Variants in EDDM13 observed in about 807,000 individuals in gnomAD.
EDDM13 encodes the protein epididymal protein 13.
EDDM13 carries 24 observed loss-of-function variants against 17.8 expected under a neutral mutation model. The observed-to-expected ratio is 1.35, with a 90% confidence interval of 0.98 to 1.90. The LOEUF (loss-of-function observed/expected upper bound fraction) is 1.90. Among genes scored for constraint, EDDM13 ranks in the 40% most tolerant of loss-of-function variants. The probability of loss-of-function intolerance (pLI) is 0.00; values close to 1 mark genes in which losing one functional copy is unlikely to be tolerated. For synonymous variants in EDDM13, 31 were observed against 37.5 expected (o/e 0.83, Z 0.63); for missense variants, 97 against 100.8 (o/e 0.96, Z 0.16).
At chr19:56,305,577 G>A (rs1413873407) in intron 14 of EDDM13, among the ~76,000 whole-genome samples, 2 of 152,040 alleles carry the variant, frequency 1.3e-5, no homozygotes, top group Non-Finnish European at 2.9e-5. Flanking sequence ...AAATCTTTTG[G>A]GGTACAAACT....
chr19:56,288,838 C>T (rs918069649), intron 7 of EDDM13, among the ~76,000 whole-genome samples, 36 bp from the exon 8 acceptor site: 5 of 152,156 alleles, frequency 3.3e-5, no homozygotes, highest in African/African-American at 7.2e-5. Flanking sequence ...TCTGCCCCTC[C>T]GTTGCAACCT....
At chr19:56,280,645 G>A (rs890304239) in intron 2 of EDDM13, 3 of 152,196 alleles carry the variant, frequency 2.0e-5, no homozygotes, top group African/African-American at 7.2e-5. Context: ...TCTGGAGGCT[G>A]AGAAGTCCAA....
intron 2 of EDDM13, among the ~76,000 whole-genome samples, chr19:56,279,951 T>C (rs1215953011): frequency 6.6e-6 from 1 of 152,194 alleles, no homozygotes; most frequent in Non-Finnish European, 1.5e-5. Flanking sequence ...ATTTAAAACA[T>C]CATGTTATTT....
intron 8 of EDDM13, among the ~76,000 whole-genome samples, chr19:56,290,054 A>G (rs1238447507): frequency 1.3e-5 from 2 of 152,246 alleles, no homozygotes; most frequent in Non-Finnish European, 2.9e-5. Flanking sequence ...CCCAAGTTAT[A>G]AAGAGTGGTT....
At position 56,304,784 on chromosome 19, in the gene EDDM13, C is replaced by T; in HGVS notation, c.424-9C>T. Reference sequence around the variant, plus strand: ...TTTCTCTGTTCCCAGTTCACTTTTTCCTCCCAAGTGTTACTGCCACTACTG... The same window carrying T: ...TTTCTCTGTTCCCAGTTCACTTTTTTCTCCCAAGTGTTACTGCCACTACTG... On this transcript the variant is annotated splice_polypyrimidine_tract_variant and intron_variant, in intron 13 of 14. Coordinates refer to ENST00000649256, the MANE Select transcript of EDDM13 (RefSeq NM_001354658.2). The T allele has an allele frequency of 1.0e-6, 1 of 985,374 alleles. No homozygotes were observed. The highest frequency in any genetic ancestry group is 1.2e-6 in the Non-Finnish European group (1 of 829,882). The allele number at this position is 985,374 out of a possible 1,614,324, so 61.0% of individuals were successfully genotyped here.
intron 9 of EDDM13, among the ~76,000 whole-genome samples, 71 bp downstream of exon 9, chr19:56,290,917 A>G (rs1169659350): frequency 1.3e-5 from 2 of 152,136 alleles, no homozygotes; most frequent in African/African-American, 4.8e-5. Flanking sequence ...GCAACTATCC[A>G]AAGAAGGGAA....
chr19:56,288,599 C>T (rs2039299205), intron 7 of EDDM13, among the ~76,000 whole-genome samples, 161 bp downstream of exon 7: 1 of 152,180 alleles, frequency 6.6e-6, no homozygotes, highest in Non-Finnish European at 1.5e-5. Context: ...CCTTGCTTTC[C>T]ACTGCACCCT....
intron 13 of EDDM13, among the ~76,000 whole-genome samples, chr19:56,303,794 G>A (rs144014924): frequency 8.1e-4 from 118 of 145,150 alleles, no homozygotes; most frequent in African/African-American, 2.9e-3. Context: ...CCATGGCCAC[G>A]GGCAGCCTTC....
chr19:56,279,906 CTT>C (rs2038557937), intron 2 of EDDM13, among the ~76,000 whole-genome samples: 1 of 151,938 alleles, frequency 6.6e-6, no homozygotes, highest in Non-Finnish European at 1.5e-5. Context: ...TTTACATAAA[CTT>C]TAATTACATT....
intron 6 of EDDM13, chr19:56,286,343 G>A (rs1015047895): frequency 2.0e-5 from 3 of 151,962 alleles, no homozygotes; most frequent in African/African-American, 7.2e-5. Flanking sequence ...TTGATAATGT[G>A]GTGGCCAAAA....
chr19:56,292,200 G>T (rs1023825613), intron 9 of EDDM13, among the ~76,000 whole-genome samples: 1 of 152,220 alleles, frequency 6.6e-6, no homozygotes, highest in African/African-American at 2.4e-5. Flanking sequence ...AAAAGTCACT[G>T]TTTGCCACAT....
intron 9 of EDDM13, among the ~76,000 whole-genome samples, chr19:56,294,904 T>C (rs1480459025): frequency 6.6e-6 from 1 of 152,232 alleles, no homozygotes; most frequent in Non-Finnish European, 1.5e-5. Context: ...TGACTCTGTC[T>C]CTACGACATG....
intron 2 of EDDM13, among the ~76,000 whole-genome samples, chr19:56,278,571 C>T (rs1166033086): frequency 6.6e-6 from 1 of 152,168 alleles, no homozygotes; most frequent in Non-Finnish European, 1.5e-5. Context: ...CATATAGATA[C>T]ATATATAGAT....
chr19:56,273,777 A>C (rs1382140097), intron 1 of EDDM13, among the ~76,000 whole-genome samples: 1 of 152,164 alleles, frequency 6.6e-6, no homozygotes, highest in Non-Finnish European at 1.5e-5. Context: ...GGGGCATGTG[A>C]GTCACAGGAA....
At chr19:56,284,119 G>T (rs1368986201) in intron 4 of EDDM13, 79 bp from the exon 5 acceptor site, 1 of 981,986 alleles carries the variant, frequency 1.0e-6, no homozygotes, top group Non-Finnish European at 1.2e-6. Flanking sequence ...TCGTCTTTGT[G>T]ACCTCTTGGG....
intron 9 of EDDM13, among the ~76,000 whole-genome samples, chr19:56,293,085 C>T (rs1361273423): frequency 1.3e-5 from 2 of 152,328 alleles, no homozygotes; most frequent in East Asian, 1.9e-4. Flanking sequence ...CCCACACCCA[C>T]CTCCAAACCC....
chr19:56,286,784 T>C (rs1351409621), intron 6 of EDDM13: 2 of 152,258 alleles, frequency 1.3e-5, no homozygotes, highest in African/African-American at 4.8e-5. Flanking sequence ...GCTGAATCTG[T>C]GTCCACGTGA....
intron 13 of EDDM13, chr19:56,302,909 A>G: frequency 2.5e-6 from 1 of 398,598 alleles, no homozygotes; most frequent in Non-Finnish European, 4.4e-6. Flanking sequence ...ACCTTCAAGA[A>G]GGTCCTAATT....
At chr19:56,299,200 C>T (rs780479756) in intron 12 of EDDM13, among the ~76,000 whole-genome samples, 20 of 151,726 alleles carry the variant, frequency 1.3e-4, no homozygotes, top group African/African-American at 1.7e-4. Flanking sequence ...GGTATGATCA[C>T]GGCTCACCAC....
Sources: gnomAD v4.1 joint callset for allele counts (sites outside exome capture counted in the v4.1 genomes callset) on GRCh38, gnomAD v4.1.1 for gene constraint, MANE v1.5 for transcripts, NCBI Gene and HGNC (gene_info 2026-07-23, HGNC 2026-07-21) for gene names.